The following SHANK2 variants were observed in gnomAD, a reference collection of about 807,000 sequenced individuals.
SHANK2 encodes the protein SH3 and multiple ankyrin repeat domains protein 2.
In SHANK2, 43 loss-of-function variants were observed where a neutral mutation model predicts 133.7. The ratio of observed to expected loss-of-function variants is 0.32; its 90% CI spans 0.25 to 0.41. The LOEUF (loss-of-function observed/expected upper bound fraction) is 0.41. Ranked by LOEUF, SHANK2 falls within the 10% of genes least tolerant of loss-of-function variation. The probability of loss-of-function intolerance (pLI) is 1.00; values close to 1 mark genes in which losing one functional copy is unlikely to be tolerated. For synonymous variants in SHANK2, 1,017 were observed against 952.8 expected (o/e 1.07, Z -1.24); for missense variants, 1,994 against 2,235.8 (o/e 0.89, Z 2.18).
rs114520963 is a variant in SHANK2 at position 70,569,086 on chromosome 11, A to G, written c.2062-66155T>C. Reference sequence around the variant, plus strand: ...CTGCCGCTGGACTTACAGTGAACGGAGCCAGGAAAGCGAATCTGCCTTGAC... The same window carrying G: ...CTGCCGCTGGACTTACAGTGAACGGGGCCAGGAAAGCGAATCTGCCTTGAC... On this transcript the variant is annotated intron_variant, in intron 17 of 25. Coordinates refer to ENST00000601538, the MANE Select transcript of SHANK2 (RefSeq NM_012309.5). This position sits in a 1 kb window ranked among gnomAD's most constrained non-coding sequence, Gnocchi z 5.1. Among the ~76,000 whole-genome samples the G allele has an allele frequency of 3.5e-3, 529 of 152,292 alleles. 1 individual carries two copies. The highest frequency in any genetic ancestry group is 0.012 in the African/African-American group (496 of 41,578).
At position 70,569,533 on chromosome 11, in the gene SHANK2, C is replaced by T. The variant is rs1230434475; in HGVS notation, c.2062-66602G>A. 1.3e-5 allele frequency among the ~76,000 whole-genome samples: 2 copies of T among 152,290 alleles called. No homozygotes were observed. Among genetic ancestry groups the T allele is most frequent in the South Asian group, 2.1e-4 (1 of 4,814 alleles). ...TGGGTGGCGCTGCCGGCCGCTTCCC[C>T]ATCTTACCTCTGCTGGTGCCGCAGC... is the stretch of plus-strand genomic sequence containing the variant. On this transcript the variant is annotated intron_variant, in intron 17 of 25. Transcript: ENST00000601538. The surrounding 1 kb of genome is among the most constrained non-coding windows in gnomAD (Gnocchi z 5.1).
intron 15 of SHANK2, among the ~76,000 whole-genome samples, chr11:70,692,965 C>T (rs1555021404): frequency 6.6e-6 from 1 of 152,226 alleles, no homozygotes; most frequent in African/African-American, 2.4e-5. Context: ...TTTGAGCAGA[C>T]CTTGCTGCCA....
At chr11:71,162,711 T>G (rs765157155) in intron 2 of SHANK2, among the ~76,000 whole-genome samples, 143 of 152,270 alleles carry the variant, frequency 9.4e-4, no homozygotes, top group Non-Finnish European at 1.7e-3. Flanking sequence ...TAGCCCAACT[T>G]CAAAACAGTG....
rs533857459 is a variant in SHANK2 at position 70,543,053 on chromosome 11, C to T, written c.2062-40122G>A. On this transcript the variant is annotated intron_variant, in intron 17 of 25. Transcript: ENST00000601538. ...TGGGTGAGGAGGCAGAGCCCTCAAC[C>T]GGCCTGGCGTGGGGTGGCGGCTGAG... Among the ~76,000 whole-genome samples, 205 of 152,282 alleles carry T rather than the reference C, an allele frequency of 1.3e-3. 1 individual carries two copies. The highest frequency in any genetic ancestry group is 2.0e-3 in the Non-Finnish European group (133 of 68,024).
At chr11:71,230,282 A>G (rs1954720903) in intron 1 of SHANK2, among the ~76,000 whole-genome samples, 3 of 152,044 alleles carry the variant, frequency 2.0e-5, no homozygotes, top group Admixed American at 2.0e-4. Flanking sequence ...CAACAGAGCA[A>G]GACTCTGCCT....
chr11:70,486,527 T>G lies in SHANK2; in HGVS notation c.3766A>C (p.Ser1256Arg). The change falls in exon 25 of 26, where the codon AGC becomes CGC. Residue 1256 changes from serine (S) to arginine (R), a missense_variant. Transcript: ENST00000601538. The surrounding 1 kb of genome is among the most constrained non-coding windows in gnomAD (Gnocchi z 8.0). ...ACCGTAGGGAAGCCGGCATCCAGGCTGGGCCGCATTTTGGTATCAATGTAA... is the reference window on the plus strand; with the variant it reads ...ACCGTAGGGAAGCCGGCATCCAGGCGGGGCCGCATTTTGGTATCAATGTAA... Reference protein sequence around the residue: ...PLYIDTKMRPSLDAGFPTVTR... With the variant: ...PLYIDTKMRPRLDAGFPTVTR... 1 of 1,614,184 alleles carries G rather than the reference T, an allele frequency of 6.2e-7. No individual in the cohort carries two copies. The highest frequency in any genetic ancestry group is 8.5e-7 in the Non-Finnish European group (1 of 1,180,042).
At chr11:70,706,459 T>C (rs1208107882) in intron 14 of SHANK2, among the ~76,000 whole-genome samples, 2 of 152,150 alleles carry the variant, frequency 1.3e-5, no homozygotes, top group East Asian at 1.9e-4. Context: ...CAGCTGGGGA[T>C]TGCCGAGGCA....
chr11:70,758,228 G>A lies in SHANK2; in HGVS notation c.1777+40215C>T, dbSNP rs552060482. On this transcript the variant is annotated intron_variant, in intron 14 of 25. Coordinates refer to ENST00000601538, the MANE Select transcript of SHANK2 (RefSeq NM_012309.5). Reference sequence around the variant, plus strand: ...GCATTCCAGCCGGCAATGGCTACCCGCTTTGGGTCCCCTCCCGTTGTATGG... The same window carrying A: ...GCATTCCAGCCGGCAATGGCTACCCACTTTGGGTCCCCTCCCGTTGTATGG... 6.2e-4 allele frequency among the ~76,000 whole-genome samples: 95 copies of A among 152,322 alleles called. 1 individual carries two copies. The highest frequency in any genetic ancestry group is 4.4e-3 in the Admixed American group (68 of 15,306).
chr11:70,868,934 C>T (rs1446845084), intron 11 of SHANK2, among the ~76,000 whole-genome samples: 1 of 152,176 alleles, frequency 6.6e-6, no homozygotes, highest in African/African-American at 2.4e-5. Flanking sequence ...GTGTCACCTG[C>T]AAAATTCATG....
chr11:70,518,695 G>A (rs978822500), intron 17 of SHANK2, among the ~76,000 whole-genome samples: 1 of 152,160 alleles, frequency 6.6e-6, no homozygotes, highest in Non-Finnish European at 1.5e-5. Context: ...GCATACCCAC[G>A]CCAGGAGCCC....
intron 16 of SHANK2, among the ~76,000 whole-genome samples, chr11:70,661,252 A>T (rs1334121333): frequency 6.6e-6 from 1 of 152,208 alleles, no homozygotes; most frequent in Non-Finnish European, 1.5e-5. Flanking sequence ...GTCTGGCTCA[A>T]CTAGAACACA....
chr11:71,142,226 C>T (rs1555105939), intron 3 of SHANK2, among the ~76,000 whole-genome samples: 1 of 152,198 alleles, frequency 6.6e-6, no homozygotes, highest in East Asian at 1.9e-4. Context: ...AGGCCGGGCG[C>T]GGTGGCTCAC....
chr11:70,482,179 C>G (rs2058743387), intron 25 of SHANK2, among the ~76,000 whole-genome samples: 1 of 152,260 alleles, frequency 6.6e-6, no homozygotes, highest in Admixed American at 6.5e-5. Flanking sequence ...CATCCTGTTT[C>G]TAGTCCAACT....
At position 70,658,458 on chromosome 11, in the gene SHANK2, C is replaced by T. The variant is rs528189302; in HGVS notation, c.2061+1370G>A. ...ATCTCTGTCATTCTGGTGGTGCACC[C>T]GACAGTTTCAACACACAAGAACCCA... On this transcript the variant is annotated intron_variant, in intron 17 of 25. Transcript: ENST00000601538. Among the ~76,000 whole-genome samples the T allele has an allele frequency of 3.9e-5, 6 of 152,228 alleles. No individual in the cohort carries two copies. In the South Asian group the frequency reaches 8.3e-4, roughly 21 times the overall value.
intron 11 of SHANK2, among the ~76,000 whole-genome samples, chr11:70,865,846 G>A (rs910793410): frequency 4.6e-5 from 7 of 152,182 alleles, no homozygotes; most frequent in Non-Finnish European, 8.8e-5. Flanking sequence ...CCAAGCACCT[G>A]CCTTGTGCTA....
intron 10 of SHANK2, among the ~76,000 whole-genome samples, chr11:70,897,700 T>C (rs991371865): frequency 6.6e-6 from 1 of 152,222 alleles, no homozygotes; most frequent in Non-Finnish European, 1.5e-5. Context: ...TGAGGTGATC[T>C]GGTAAGGTAG....
rs190454558 is a variant in SHANK2 at position 70,923,870 on chromosome 11, C to A, written c.1108-27303G>T. 3.8e-3 allele frequency among the ~76,000 whole-genome samples: 586 copies of A among 152,268 alleles called. 4 individuals are homozygous for A. The highest frequency in any genetic ancestry group is 0.013 in the African/African-American group (559 of 41,562). ...ACCTGGCCAAGCATCAATGTCTTAA[C>A]CCTGATTAGCCTAATTGGGCAGCTC... On this transcript the variant is annotated intron_variant, in intron 10 of 25. Transcript: ENST00000601538.
chr11:70,565,321 C>T (rs989395249), intron 17 of SHANK2, among the ~76,000 whole-genome samples: 4 of 152,218 alleles, frequency 2.6e-5, no homozygotes, highest in East Asian at 1.9e-4. Flanking sequence ...CTCGGCTCAC[C>T]GCAACCTCCG....
At chr11:71,180,498 T>C (rs1420300967) in intron 2 of SHANK2, among the ~76,000 whole-genome samples, 1 of 152,156 alleles carries the variant, frequency 6.6e-6, no homozygotes, top group Non-Finnish European at 1.5e-5. Flanking sequence ...TGTGCCCATC[T>C]AACAGCGCTT....
Sources: allele counts gnomAD v4.1 joint callset (sites outside exome capture counted in the v4.1 genomes callset), GRCh38; gene constraint gnomAD v4.1.1; non-coding constraint Gnocchi (gnomAD v3.1); transcripts MANE v1.5; gene names NCBI Gene and HGNC (gene_info 2026-07-23, HGNC 2026-07-21).